RYR2: variants seen among roughly 807,000 people sequenced by gnomAD.
The protein encoded by RYR2 is ryanodine receptor 2.
Under a neutral mutation model 601.1 loss-of-function variants are expected in RYR2, and 227 were observed. The observed-to-expected ratio is 0.38, with a 90% CI of 0.34 to 0.42. RYR2 has a LOEUF of 0.42. RYR2 is among the 10% of genes least tolerant of loss of function. The pLI is 1.00. For synonymous variants in RYR2, 2,223 were observed against 2,175.1 expected (o/e 1.02, Z -0.61); for missense variants, 4,646 against 6,156.5 (o/e 0.75, Z 8.21).
chr1:237,247,454 G>A lies in RYR2; in HGVS notation c.49-23043G>A, dbSNP rs539951542. On this transcript the variant is annotated intron_variant, in intron 1 of 104. Coordinates refer to ENST00000366574, the MANE Select transcript of RYR2 (RefSeq NM_001035.3). Reference sequence around the variant, plus strand: ...AGAGAGGCAGTTACAGTAACTATAGGGCGAAGAAGGGAACAGTAAAAGTTG... The same window carrying A: ...AGAGAGGCAGTTACAGTAACTATAGAGCGAAGAAGGGAACAGTAAAAGTTG... Among the ~76,000 whole-genome samples the A allele has an allele frequency of 3.9e-5, 6 of 152,284 alleles. No individual in the cohort carries two copies. The South Asian group carries it at 1.2e-3, about 32-fold the overall frequency.
intron 52 of RYR2, among the ~76,000 whole-genome samples, chr1:237,655,281 G>C (rs1683134175): frequency 6.6e-6 from 1 of 152,062 alleles, no homozygotes; most frequent in African/African-American, 2.4e-5. Flanking sequence ...AAATTTAACT[G>C]TCATTAATAT....
chr1:237,072,341 T>C (rs1019577945), intron 1 of RYR2, among the ~76,000 whole-genome samples: 1 of 152,208 alleles, frequency 6.6e-6, no homozygotes, highest in African/African-American at 2.4e-5. Flanking sequence ...AGTTGCAGTT[T>C]AGCAAACTCC....
At chr1:237,204,620 T>C (rs1002980358) in intron 1 of RYR2, among the ~76,000 whole-genome samples, 7 of 152,086 alleles carry the variant, frequency 4.6e-5, no homozygotes, top group African/African-American at 1.7e-4. Context: ...GGGAAAATGC[T>C]CCATTCCGCA....
At position 237,643,309 on chromosome 1, in the gene RYR2, T is replaced by G; in HGVS notation, c.7222-18T>G. On this transcript the variant is annotated intron_variant, in intron 47 of 104. Coordinates refer to ENST00000366574, the MANE Select transcript of RYR2 (RefSeq NM_001035.3). ...GATGTCACAAAGTTGTTCTAATGTT[T>G]TTTTTTCCCCTGTATAGTTGATTCA... 6.2e-7 allele frequency: 1 copy of G among 1,607,370 alleles called. No individual in the cohort carries two copies.
rs775574633 is a variant in RYR2 at position 237,778,649 on chromosome 1, G to A, written c.11776-17G>A. 1.1e-5 allele frequency: 15 copies of A among 1,386,024 alleles called. No homozygotes were observed. The East Asian group carries it at 3.5e-4, about 32-fold the overall frequency. The allele number at this position is 1,386,024 out of a possible 1,614,324, so 85.9% of individuals were successfully genotyped here. On this transcript the variant is annotated splice_polypyrimidine_tract_variant and intron_variant, in intron 87 of 104. Coordinates refer to ENST00000366574, the MANE Select transcript of RYR2 (RefSeq NM_001035.3). ...AAATTATGAGGAATAATTGCCGTTTGTCTGTTTATGCTCCAGGGTCCTTGC... is the reference window on the plus strand; with the variant it reads ...AAATTATGAGGAATAATTGCCGTTTATCTGTTTATGCTCCAGGGTCCTTGC...
chr1:237,240,750 T>A (rs664779), intron 1 of RYR2, among the ~76,000 whole-genome samples: 127,371 of 148,918 alleles, frequency 0.86, 56,985 homozygotes, highest in East Asian at 1. Context: ...GGGATAAGGA[T>A]CTTTAAGTTT....
rs1483762041 is a variant in RYR2, at chr1:237,714,990, TCAAAAAAAAAAAA to T, written c.10324-2207_10324-2195del. On this transcript the variant is annotated intron_variant, in intron 71 of 104. Coordinates refer to ENST00000366574, the MANE Select transcript of RYR2 (RefSeq NM_001035.3). ...CCTGGTGACAGAGCGAGACTCCATC[TCAAAAAAAAAAAA>T]AAAAAAAAAAAAAAAAAAAAGGGCT... 2.7e-4 allele frequency among the ~76,000 whole-genome samples: 24 copies of T among 89,382 alleles called. 2 individuals carry two copies. The South Asian group carries it at 3.6e-3, about 14-fold the overall frequency. The allele number at this position is 89,382 out of a possible 152,430, so 58.6% of individuals were successfully genotyped here. A position where few individuals can be genotyped will look rare whatever the true frequency, so the allele number is the denominator to read the frequency against.
rs898126293 is a variant in RYR2, at chr1:237,211,016, G to A, written c.49-59481G>A. 2.4e-5 allele frequency among the ~76,000 whole-genome samples: 3 copies of A among 125,784 alleles called. No homozygotes were observed. The South Asian group carries it at 7.5e-4, about 32-fold the overall frequency. The allele number at this position is 125,784 out of a possible 152,430, so 82.5% of individuals were successfully genotyped here. A position where few individuals can be genotyped will look rare whatever the true frequency, so the allele number is the denominator to read the frequency against. Reference sequence around the variant, plus strand: ...CGTCTCACACAGATTTGTCAGGGACGATGTTTGGGCTGCTGGGATAGTGGC... The same window carrying A: ...CGTCTCACACAGATTTGTCAGGGACAATGTTTGGGCTGCTGGGATAGTGGC... On this transcript the variant is annotated intron_variant, in intron 1 of 104. Coordinates refer to ENST00000366574, the MANE Select transcript of RYR2 (RefSeq NM_001035.3).
At chr1:237,160,585 G>A (rs2148858845) in intron 1 of RYR2, among the ~76,000 whole-genome samples, 1 of 152,136 alleles carries the variant, frequency 6.6e-6, no homozygotes, top group South Asian at 2.1e-4. Flanking sequence ...ATGATGGGCA[G>A]TGTATCCCTG....
At chr1:237,147,114 T>A (rs900629562) in intron 1 of RYR2, among the ~76,000 whole-genome samples, 1 of 152,140 alleles carries the variant, frequency 6.6e-6, no homozygotes, top group Admixed American at 6.5e-5. Flanking sequence ...ATGTGAAATC[T>A]CAGGAAACTC....
intron 29 of RYR2, among the ~76,000 whole-genome samples, chr1:237,575,373 C>G (rs376253256): frequency 4.6e-5 from 7 of 152,196 alleles, no homozygotes; most frequent in African/African-American, 1.4e-4. Context: ...GAGATTATTC[C>G]ACATCATGTT....
At position 237,590,069 on chromosome 1, in the gene RYR2, A is replaced by G. The variant is rs1674979978; in HGVS notation, c.3807+68A>G. On this transcript the variant is annotated intron_variant, in intron 30 of 104. Coordinates refer to ENST00000366574, the MANE Select transcript of RYR2 (RefSeq NM_001035.3). ...GAAAAGAATATCTTTATACAAAGGA[A>G]CTTCTGCTTAGACAATTATTATGAC... 16 of 1,346,876 alleles carry G rather than the reference A, an allele frequency of 1.2e-5. No individual in the cohort carries two copies. In the South Asian group the frequency reaches 1.9e-4, roughly 16 times the overall value. The allele number at this position is 1,346,876 out of a possible 1,614,324, so 83.4% of individuals were successfully genotyped here.
intron 29 of RYR2, among the ~76,000 whole-genome samples, chr1:237,575,821 A>G (rs1264905476): frequency 6.6e-6 from 1 of 152,188 alleles, no homozygotes; most frequent in Non-Finnish European, 1.5e-5. Flanking sequence ...ATTGGAGATG[A>G]TAAGAATTGG....
At chr1:237,133,839 C>T (rs138334552) in intron 1 of RYR2, among the ~76,000 whole-genome samples, 1,866 of 144,272 alleles carry the variant, frequency 0.013, 45 homozygotes, top group African/African-American at 0.045. Flanking sequence ...GCAGGAGAAT[C>T]GCTTGAACCC....
chr1:237,051,282 T>TTCTCTCTCTC (rs148264575), intron 1 of RYR2, among the ~76,000 whole-genome samples: 20 of 79,396 alleles, frequency 2.5e-4, no homozygotes, highest in African/African-American at 6.7e-4. Flanking sequence ...TCTCCTCCCC[T>TTCTCTCTCTC]TCTCTCTCTC....
intron 2 of RYR2, among the ~76,000 whole-genome samples, chr1:237,327,665 G>T (rs1325392630): frequency 6.6e-6 from 1 of 152,236 alleles, no homozygotes; most frequent in East Asian, 1.9e-4. Context: ...AGAAACAAGT[G>T]GTGCTTCATC....
rs1424529108 is a variant in RYR2 at position 237,106,202 on chromosome 1, A to C, written c.48+63633A>C. On this transcript the variant is annotated intron_variant, in intron 1 of 104. Coordinates refer to ENST00000366574, the MANE Select transcript of RYR2 (RefSeq NM_001035.3). This position sits in a 1 kb window ranked among gnomAD's most constrained non-coding sequence, Gnocchi z 4.4. ...AGCTCGTTCTGATTTTCATTCTGAAAAGACCCGTCTGGCCACTGTGTTGAG... is the reference window on the plus strand; with the variant it reads ...AGCTCGTTCTGATTTTCATTCTGAACAGACCCGTCTGGCCACTGTGTTGAG... 6.6e-6 allele frequency among the ~76,000 whole-genome samples: 1 copy of C among 152,172 alleles called. No homozygotes were observed. The highest frequency in any genetic ancestry group is 1.5e-5 in the Non-Finnish European group (1 of 68,034).
chr1:237,123,243 G>A lies in RYR2; in HGVS notation c.48+80674G>A, dbSNP rs567916659. Among the ~76,000 whole-genome samples the A allele has an allele frequency of 2.6e-4, 40 of 152,270 alleles. No individual in the cohort carries two copies. In the South Asian group the frequency reaches 8.1e-3, roughly 31 times the overall value. ...CAGGAAACAATACTTACCCTAAGAT[G>A]CTTTCTCATTTATTCTGCTTTATTT... On this transcript the variant is annotated intron_variant, in intron 1 of 104. Coordinates refer to ENST00000366574, the MANE Select transcript of RYR2 (RefSeq NM_001035.3).
rs574858746 is a variant in RYR2, at chr1:237,351,303, A to G, written c.274-4662A>G. ...CTAAATATCTCAAGAAGACAAAAAG[A>G]AAATATTAAACCTGGAAAATGTAGA... On this transcript the variant is annotated intron_variant, in intron 3 of 104. Coordinates refer to ENST00000366574, the MANE Select transcript of RYR2 (RefSeq NM_001035.3). Among the ~76,000 whole-genome samples the G allele has an allele frequency of 6.0e-4, 91 of 152,218 alleles. 2 individuals are homozygous for G. In the South Asian group the frequency reaches 0.018, roughly 31 times the overall value.
Sources: gnomAD v4.1 joint callset for allele counts (sites outside exome capture counted in the v4.1 genomes callset) on GRCh38, gnomAD v4.1.1 for gene constraint, Gnocchi (gnomAD v3.1) non-coding constraint, MANE v1.5 for transcripts, NCBI Gene and HGNC (gene_info 2026-07-23, HGNC 2026-07-21) for gene names.